FAM53A: variants seen among roughly 807,000 people sequenced by gnomAD.
FAM53A encodes family with sequence similarity 53 member A.
In FAM53A, 28 loss-of-function variants were observed where a neutral mutation model predicts 26.6. That is an observed-to-expected ratio of 1.05 (90% CI 0.78 to 1.45). The LOEUF is 1.45. Ranked by LOEUF, FAM53A falls within the 40% of genes most tolerant of loss-of-function variation. The pLI is 0.00. For missense variants in FAM53A, 650 were observed against 575.8 expected (o/e 1.13, Z -1.32); for synonymous variants, 290 against 253.1 (o/e 1.15, Z -1.38).
intron 2 of FAM53A, among the ~76,000 whole-genome samples, chr4:1,666,513 C>T (rs1404114915): frequency 6.6e-6 from 1 of 152,270 alleles, no homozygotes; most frequent in Non-Finnish European, 1.5e-5. Context: ...CACACCAGGA[C>T]ATCCGTCCAG....
chr4:1,620,218 A>G (rs1469976099), intron 1 of FAM53A, among the ~76,000 whole-genome samples: 3 of 151,660 alleles, frequency 2.0e-5, no homozygotes, highest in Non-Finnish European at 4.4e-5. Context: ...AAAAAAAAAA[A>G]AATTAATTAA....
At chr4:1,626,487 G>A (rs984194519) in intron 1 of FAM53A, among the ~76,000 whole-genome samples, 3 of 151,896 alleles carry the variant, frequency 2.0e-5, no homozygotes, top group African/African-American at 7.3e-5. Flanking sequence ...GCCATGCCCT[G>A]AGCCCGGGGG....
upstream of FAM53A, among the ~76,000 whole-genome samples, chr4:1,685,706 C>G (rs1170665793): frequency 6.6e-6 from 1 of 152,142 alleles, no homozygotes. Context: ...AGGGCTGGAG[C>G]AGGCGTCCAG....
downstream of FAM53A, chr4:1,617,882 T>C (rs1189681274): frequency 5.3e-6 from 2 of 377,112 alleles, no homozygotes; most frequent in African/African-American, 4.2e-5. Context: ...AGCGCCTGCA[T>C]GTCAGGAGCA....
At chr4:1,662,878 C>T (rs993323272) in intron 2 of FAM53A, among the ~76,000 whole-genome samples, 3 of 152,070 alleles carry the variant, frequency 2.0e-5, no homozygotes, top group African/African-American at 7.2e-5. Flanking sequence ...AAAAAATGGA[C>T]AATAACACGC....
At chr4:1,622,987 C>T (rs7663492) in intron 1 of FAM53A, among the ~76,000 whole-genome samples, 106,123 of 152,168 alleles carry the variant, frequency 0.7, 37,547 homozygotes, top group Middle Eastern at 0.81. Flanking sequence ...AGGCAACCTA[C>T]GATCGCTCTT....
intron 2 of FAM53A, among the ~76,000 whole-genome samples, 193 bp downstream of exon 2, chr4:1,668,474 T>C (rs984284784): frequency 6.6e-6 from 1 of 152,146 alleles, no homozygotes; most frequent in Non-Finnish European, 1.5e-5. Flanking sequence ...TTTTCAATGA[T>C]GGTGAAAATC....
At chr4:1,591,209 T>A in the FAM53A span, among the ~76,000 whole-genome samples, 1 of 151,982 alleles carries the variant, frequency 6.6e-6, no homozygotes, top group Non-Finnish European at 1.5e-5. Flanking sequence ...TTAAAATGTG[T>A]CTTCTCTAAG....
chr4:1,656,993 C>G (rs1232250748), intron 3 of FAM53A, among the ~76,000 whole-genome samples: 1 of 152,186 alleles, frequency 6.6e-6, no homozygotes, highest in Non-Finnish European at 1.5e-5. Flanking sequence ...CCAGGCACAG[C>G]CACACCCTCC....
At chr4:1,668,300 C>T (rs750765069) in intron 2 of FAM53A, among the ~76,000 whole-genome samples, 3 of 152,028 alleles carry the variant, frequency 2.0e-5, no homozygotes, top group Admixed American at 1.3e-4. Context: ...CTACCGTGCC[C>T]GGCTAATTTT....
At chr4:1,604,649 G>A in the FAM53A span, among the ~76,000 whole-genome samples, 1 of 152,104 alleles carries the variant, frequency 6.6e-6, no homozygotes, top group Non-Finnish European at 1.5e-5. Context: ...GACAGCACAG[G>A]GACTGCACTG....
chr4:1,621,838 C>A (rs1407775672), intron 1 of FAM53A, among the ~76,000 whole-genome samples: 2 of 152,202 alleles, frequency 1.3e-5, no homozygotes, highest in Admixed American at 1.3e-4. Flanking sequence ...CATGGGGCTC[C>A]CCACCCACTG....
chr4:1,648,360 C>G (rs971056746), intron 4 of FAM53A, among the ~76,000 whole-genome samples: 4 of 152,116 alleles, frequency 2.6e-5, no homozygotes, highest in Admixed American at 1.3e-4. Flanking sequence ...GAGGGGCACA[C>G]AGACGGCAGA....
rs202151764 is a variant in FAM53A, at chr4:1,641,396, C to A, written c.1094G>T (p.Arg365Leu). Residue 365 changes from arginine to leucine, a missense_variant, in exon 5 of 5, where the codon CGC (arginine) becomes CTC (leucine). Arg to Leu is a moderately radical substitution (Grantham distance 102). Coordinates refer to ENST00000308132, the MANE Select transcript of FAM53A (RefSeq NM_001174070.3). The stretch of plus-strand genomic sequence containing the variant: ...ATCACGGGGGTCCCCGCTGCTCCTG[C>A]GGGAGCCATCACTGGTCACCGACTC... The part of the protein sequence containing the change: ...SRESVTSDGS[R>L]RSSGDPRDGD... 6.2e-7 allele frequency: 1 copy of A among 1,610,964 alleles called. No homozygotes were observed. Among genetic ancestry groups the A allele is most frequent in the Non-Finnish European group, 8.5e-7 (1 of 1,179,058 alleles).
the FAM53A span, among the ~76,000 whole-genome samples, chr4:1,593,128 G>A: frequency 6.6e-6 from 1 of 152,188 alleles, no homozygotes; most frequent in Non-Finnish European, 1.5e-5. Flanking sequence ...TGCGGGAGCC[G>A]GTGGCGGCCA....
chr4:1,625,738 C>G (rs1015541024), intron 1 of FAM53A, among the ~76,000 whole-genome samples: 1 of 132,996 alleles, frequency 7.5e-6, no homozygotes, highest in Non-Finnish European at 1.6e-5. Context: ...GCCAGGTGAT[C>G]AGAAGGCCCC....
the FAM53A span, among the ~76,000 whole-genome samples, chr4:1,586,874 C>T: frequency 2.6e-5 from 4 of 151,986 alleles, no homozygotes; most frequent in Non-Finnish European, 4.4e-5. Flanking sequence ...CTCTTTTCCA[C>T]TTTTCTCCAC....
chr4:1,666,853 G>A (rs1714272439), intron 2 of FAM53A, among the ~76,000 whole-genome samples: 1 of 152,232 alleles, frequency 6.6e-6, no homozygotes, highest in Non-Finnish European at 1.5e-5. Flanking sequence ...ATTTAGGCTG[G>A]GTGTGGTGGC....
At chr4:1,606,559 G>A in the FAM53A span, among the ~76,000 whole-genome samples, 1 of 152,196 alleles carries the variant, frequency 6.6e-6, no homozygotes, top group South Asian at 2.1e-4. Context: ...TGCCTACCGC[G>A]TGACTCAGAC....
Sources: gnomAD v4.1 joint callset for allele counts (sites outside exome capture counted in the v4.1 genomes callset) on GRCh38, gnomAD v4.1.1 for gene constraint, MANE v1.5 for transcripts, NCBI Gene and HGNC (gene_info 2026-07-23, HGNC 2026-07-21) for gene names.